TRMT9B: variants seen among roughly 807,000 people sequenced by gnomAD.
TRMT9B encodes tRNA methyltransferase 9B (putative).
Under a neutral mutation model 11.5 loss-of-function variants are expected in TRMT9B, and 16 were observed. The observed-to-expected ratio is 1.39, with a 90% CI of 0.94 to 2.11. TRMT9B has a LOEUF of 2.11. Among genes scored for constraint, TRMT9B ranks in the 30% most tolerant of loss-of-function variants. TRMT9B has a pLI of 0.00. For missense variants in TRMT9B, 941 were observed against 553.8 expected (o/e 1.70, Z -7.02); for synonymous variants, 274 against 192.4 (o/e 1.42, Z -3.51).
chr8:12,961,428 G>A (rs1453416948), intron 1 of TRMT9B, among the ~76,000 whole-genome samples: 1 of 151,966 alleles, frequency 6.6e-6, no homozygotes, highest in Non-Finnish European at 1.5e-5. Context: ...TCGGCCGGGC[G>A]CGGTGGCTCA....
intron 1 of TRMT9B, among the ~76,000 whole-genome samples, chr8:12,985,046 TG>T (rs1021892672): frequency 1.3e-5 from 2 of 152,026 alleles, no homozygotes; most frequent in African/African-American, 4.8e-5. Flanking sequence ...TATTTCGTTT[TG>T]GGGGCTAATA....
intron 1 of TRMT9B, among the ~76,000 whole-genome samples, chr8:12,988,941 A>G (rs1236778382): frequency 6.7e-6 from 1 of 148,942 alleles, no homozygotes; most frequent in Admixed American, 6.6e-5. Context: ...GTTTATTTGT[A>G]TGCTTCAGAT....
chr8:13,012,953 T>A (rs938915011), intron 4 of TRMT9B, 96 bp downstream of exon 4: 1 of 1,345,988 alleles, frequency 7.4e-7, no homozygotes, highest in African/African-American at 1.5e-5. Context: ...TGTGTAGAAA[T>A]GTCAATGTAA....
At chr8:12,964,028 T>C (rs1330471471) in intron 1 of TRMT9B, among the ~76,000 whole-genome samples, 2 of 152,212 alleles carry the variant, frequency 1.3e-5, no homozygotes, top group Non-Finnish European at 2.9e-5. Context: ...TTTTTGACTC[T>C]GATCTTCTCG....
In TRMT9B at chr8:13,029,655, T is replaced by C. The variant is rs969057966; in HGVS notation, c.*7611T>C. On this transcript the variant is annotated 3_prime_UTR_variant, in exon 5 of 5. Transcript: ENST00000524591. ...AAGTTCGTATTTGAATTCTGTTATA[T>C]TTATCTAAGGGAAGCAAAATTAACC... 1.1e-4 allele frequency: 18 copies of C among 158,598 alleles called. No homozygotes were observed. The highest frequency in any genetic ancestry group is 4.3e-4 in the African/African-American group (18 of 41,576). 9.8% of individuals were successfully genotyped at this position (158,598 alleles called of 1,614,324 possible). A position where few individuals can be genotyped will look rare whatever the true frequency, so the allele number is the denominator to read the frequency against.
In TRMT9B at chr8:13,028,548, T is replaced by G. The variant is rs1324379771; in HGVS notation, c.*6504T>G. The G allele has an allele frequency of 6.0e-6, 1 of 165,680 alleles. No homozygotes were observed. Among genetic ancestry groups the G allele is most frequent in the Non-Finnish European group, 1.5e-5 (1 of 68,160 alleles). 10.3% of individuals were successfully genotyped at this position (165,680 alleles called of 1,614,324 possible). On this transcript the variant is annotated 3_prime_UTR_variant, in exon 5 of 5. Transcript: ENST00000524591. Reference sequence around the variant, plus strand: ...TTCCCTTAGCAAGAATTTGGCTAAGTGATAAGCACTTTTCTCTTTTCTTTT... The same window carrying G: ...TTCCCTTAGCAAGAATTTGGCTAAGGGATAAGCACTTTTCTCTTTTCTTTT...
chr8:12,978,102 G>A (rs1377323003), intron 1 of TRMT9B, among the ~76,000 whole-genome samples: 2 of 152,196 alleles, frequency 1.3e-5, no homozygotes, highest in Non-Finnish European at 2.9e-5. Context: ...AGGGGAAAGC[G>A]AAGAGAGAAA....
In TRMT9B at chr8:13,021,469, C is replaced by G. The variant is rs200795505; in HGVS notation, c.790C>G (p.Gln264Glu). 8 of 1,613,804 alleles carry G rather than the reference C, an allele frequency of 5.0e-6. No homozygotes were observed. The highest frequency in any genetic ancestry group is 1.3e-5 in the African/African-American group (1 of 74,914). Residue 264 changes from glutamine to glutamate, a missense_variant, in exon 5 of 5, where the codon CAA (glutamine) becomes GAA (glutamate). Transcript: ENST00000524591. ...TTTGGATGAATCGACTCTGAGGAAGCAAATTGAAAGAGTAAGACCCTTGAA... is the reference window on the plus strand; with the variant it reads ...TTTGGATGAATCGACTCTGAGGAAGGAAATTGAAAGAGTAAGACCCTTGAA... ...RSLDESTLRKQIERVRPLKNT... is the reference protein window; with the variant it reads ...RSLDESTLRKEIERVRPLKNT...
At chr8:12,965,464 G>C (rs773950450) in intron 1 of TRMT9B, among the ~76,000 whole-genome samples, 5 of 152,156 alleles carry the variant, frequency 3.3e-5, no homozygotes, top group Non-Finnish European at 5.9e-5. Context: ...GCCTTCCCCA[G>C]CATCCGGATC....
At position 12,945,907 on chromosome 8, in the gene TRMT9B, C is replaced by G. The variant is rs1271045528; in HGVS notation, c.-259C>G. On this transcript the variant is annotated 5_prime_UTR_variant, in exon 1 of 5. Transcript: ENST00000524591. ...TAAGGCTGAATCCTACACAGTCCTC[C>G]CTCTGGGAAAGTGATGAAACCTGTG... The G allele has an allele frequency of 6.6e-6, 1 of 152,126 alleles. No homozygotes were observed. The highest frequency in any genetic ancestry group is 2.4e-5 in the African/African-American group (1 of 41,412). The allele number at this position is 152,126 out of a possible 1,614,324, so 9.4% of individuals were successfully genotyped here. A position where few individuals can be genotyped will look rare whatever the true frequency, so the allele number is the denominator to read the frequency against.
intron 4 of TRMT9B, 142 bp downstream of exon 4, chr8:13,012,999 A>G (rs1419463212): frequency 9.1e-7 from 1 of 1,101,884 alleles, no homozygotes; most frequent in Non-Finnish European, 1.2e-6. Context: ...TGTTTCAACT[A>G]CTTGACTGAT....
At chr8:12,967,720 G>T (rs1182516562) in intron 1 of TRMT9B, among the ~76,000 whole-genome samples, 1 of 152,168 alleles carries the variant, frequency 6.6e-6, no homozygotes, top group Non-Finnish European at 1.5e-5. Flanking sequence ...AATGTCAGGA[G>T]AGTATTAAAT....
At chr8:12,997,310 G>T (rs186222067) in intron 2 of TRMT9B, among the ~76,000 whole-genome samples, 52 of 152,152 alleles carry the variant, frequency 3.4e-4, no homozygotes, top group Non-Finnish European at 5.4e-4. Flanking sequence ...GTTTAAAGGA[G>T]CCTGGCATCT....
At chr8:13,001,507 A>T (rs1249510706) in intron 2 of TRMT9B, among the ~76,000 whole-genome samples, 1 of 152,220 alleles carries the variant, frequency 6.6e-6, no homozygotes, top group African/African-American at 2.4e-5. Flanking sequence ...CTTCACTAAA[A>T]CTACATGAAT....
chr8:12,957,152 AC>A (rs1181425017), intron 1 of TRMT9B, among the ~76,000 whole-genome samples: 3 of 152,208 alleles, frequency 2.0e-5, no homozygotes, highest in Non-Finnish European at 4.4e-5. Context: ...AATAATTGAA[AC>A]ATGAACATGT....
intron 1 of TRMT9B, among the ~76,000 whole-genome samples, chr8:12,979,680 C>G (rs971817751): frequency 6.6e-6 from 1 of 152,070 alleles, no homozygotes; most frequent in African/African-American, 2.4e-5. Flanking sequence ...CTACCGTACA[C>G]CATTGGTTGT....
chr8:13,005,349 T>A (rs1052952765), intron 2 of TRMT9B, among the ~76,000 whole-genome samples: 9 of 152,104 alleles, frequency 5.9e-5, no homozygotes, highest in Non-Finnish European at 1.3e-4. Context: ...AAAAACAGAA[T>A]AAGACCTAGT....
intron 2 of TRMT9B, among the ~76,000 whole-genome samples, chr8:12,994,458 C>G (rs1030034711): frequency 2.0e-5 from 3 of 152,236 alleles, no homozygotes; most frequent in African/African-American, 7.2e-5. Flanking sequence ...TTCTCTTTCT[C>G]CCTTTCCTTT....
At chr8:13,018,993 C>G (rs543642502) in intron 4 of TRMT9B, among the ~76,000 whole-genome samples, 1 of 152,206 alleles carries the variant, frequency 6.6e-6, no homozygotes, top group Admixed American at 6.5e-5. Context: ...GAAGAAAGAA[C>G]ATTACTTTGT....
Sources: gnomAD v4.1 joint callset for allele counts (sites outside exome capture counted in the v4.1 genomes callset) on GRCh38, gnomAD v4.1.1 for gene constraint, MANE v1.5 for transcripts, NCBI Gene and HGNC (gene_info 2026-07-23, HGNC 2026-07-21) for gene names.